The following SCHIP1 variants were observed in gnomAD, a reference collection of about 807,000 sequenced individuals.
SCHIP1 encodes schwannomin-interacting protein 1.
A neutral mutation model predicts 29.7 loss-of-function variants in SCHIP1; 8 were observed. That is an observed-to-expected ratio of 0.27 (90% confidence interval 0.16 to 0.49). The LOEUF (loss-of-function observed/expected upper bound fraction) is 0.49, where lower values mean the gene tolerates loss of function less well. Among genes scored for constraint, SCHIP1 ranks in the 20% least tolerant of loss-of-function variants. SCHIP1 has a pLI of 0.99. For synonymous variants in SCHIP1, 76 were observed against 94.9 expected (o/e 0.80, Z 1.16); for missense variants, 193 against 294.6 (o/e 0.66, Z 2.52).
the SCHIP1 span, among the ~76,000 whole-genome samples, chr3:159,645,416 C>CA: frequency 2.0e-5 from 3 of 152,084 alleles, no homozygotes; most frequent in Non-Finnish European, 2.9e-5. Flanking sequence ...TTATATCCTA[C>CA]AAAAAAGACA....
At chr3:159,717,948 T>A in the SCHIP1 span, among the ~76,000 whole-genome samples, 2 of 152,154 alleles carry the variant, frequency 1.3e-5, no homozygotes, top group Non-Finnish European at 2.9e-5. Flanking sequence ...TTTAGACCAA[T>A]ATCCCTGATG....
chr3:159,428,676 C>A, the SCHIP1 span, among the ~76,000 whole-genome samples: 1 of 151,116 alleles, frequency 6.6e-6, no homozygotes, highest in East Asian at 2.0e-4. Context: ...TACCATTTGA[C>A]CCAGCCATCC....
chr3:159,881,302 A>T (rs1043054228), intron 2 of SCHIP1, among the ~76,000 whole-genome samples: 1 of 152,250 alleles, frequency 6.6e-6, no homozygotes, highest in African/African-American at 2.4e-5. Flanking sequence ...GCAATTATTC[A>T]TTATATATAA....
the SCHIP1 span, among the ~76,000 whole-genome samples, chr3:159,359,248 C>A: frequency 6.6e-6 from 1 of 151,962 alleles, no homozygotes; most frequent in East Asian, 1.9e-4. Context: ...TTTTAAAGGA[C>A]AAAGCAAAGA....
chr3:159,543,213 TTTA>T, the SCHIP1 span, among the ~76,000 whole-genome samples: 7 of 151,568 alleles, frequency 4.6e-5, no homozygotes, highest in Non-Finnish European at 1.5e-5. Flanking sequence ...GTTTTTTTAT[TTTA>T]TTATTATTAT....
chr3:159,809,509 G>C, the SCHIP1 span, among the ~76,000 whole-genome samples: 1 of 152,170 alleles, frequency 6.6e-6, no homozygotes, highest in East Asian at 1.9e-4. Flanking sequence ...TAATGGGATG[G>C]CTGGATCAAA....
rs112981940 is a variant in SCHIP1 at position 159,864,466 on chromosome 3, G to A, written c.31-1697G>A. 2.9e-5 allele frequency among the ~76,000 whole-genome samples: 3 copies of A among 102,552 alleles called. 1 individual carries two copies. The highest frequency in any genetic ancestry group is 1.0e-4 in the African/African-American group (3 of 29,108). 67.3% of individuals were successfully genotyped at this position (102,552 alleles called of 152,430 possible). A position where few individuals can be genotyped will look rare whatever the true frequency, so the allele number is the denominator to read the frequency against. ...AAAAGTAGTCTTTCACCTTATGGCTGTACTACACACACACACACACACACA... is the reference window on the plus strand; with the variant it reads ...AAAAGTAGTCTTTCACCTTATGGCTATACTACACACACACACACACACACA... On this transcript the variant is annotated intron_variant, in intron 1 of 6. Coordinates refer to ENST00000445224, the Ensembl canonical transcript of SCHIP1.
the SCHIP1 span, among the ~76,000 whole-genome samples, chr3:159,475,175 CCAAATGTGCAT>C: frequency 1.3e-5 from 2 of 152,044 alleles, no homozygotes; most frequent in Admixed American, 1.3e-4. Context: ...TTGAAAAAAC[CCAAATGTGCAT>C]CAACTGATGA....
the SCHIP1 span, among the ~76,000 whole-genome samples, chr3:159,828,656 A>G: frequency 6.6e-6 from 1 of 151,846 alleles, no homozygotes; most frequent in Admixed American, 6.6e-5. Context: ...CTTCAACATC[A>G]CGGTCTGTTC....
the SCHIP1 span, among the ~76,000 whole-genome samples, chr3:159,417,764 G>A: frequency 6.6e-6 from 1 of 152,166 alleles, no homozygotes; most frequent in African/African-American, 2.4e-5. Flanking sequence ...TTTGGCTAAT[G>A]GGATGTTAGC....
the SCHIP1 span, among the ~76,000 whole-genome samples, chr3:159,650,262 T>A: frequency 8.6e-5 from 13 of 151,976 alleles, no homozygotes. Flanking sequence ...TTTGAAATAA[T>A]GAAAAAAGGG....
At chr3:159,694,549 A>G in the SCHIP1 span, among the ~76,000 whole-genome samples, 1 of 42,568 alleles carries the variant, frequency 2.3e-5, no homozygotes, top group African/African-American at 7.6e-5. Context: ...AGAAAGAAAG[A>G]AAGAAAGAAA....
chr3:159,511,250 C>A, the SCHIP1 span, among the ~76,000 whole-genome samples: 1 of 152,212 alleles, frequency 6.6e-6, no homozygotes, highest in Non-Finnish European at 1.5e-5. Flanking sequence ...GCTCCATGGG[C>A]GTTGGACCCT....
chr3:159,886,626 G>A, intron 3 of SCHIP1: 1 of 269,066 alleles, frequency 3.7e-6, no homozygotes, highest in Non-Finnish European at 7.2e-6. Flanking sequence ...AGCTGATCAT[G>A]GTGCCTATAG....
chr3:159,585,998 G>A, the SCHIP1 span, among the ~76,000 whole-genome samples: 1 of 152,118 alleles, frequency 6.6e-6, no homozygotes, highest in Non-Finnish European at 1.5e-5. Flanking sequence ...GGAGAAGAAT[G>A]TAAGTTTCAG....
chr3:159,750,296 T>TATATAC, the SCHIP1 span, among the ~76,000 whole-genome samples: 32 of 132,770 alleles, frequency 2.4e-4, no homozygotes, highest in South Asian at 7.3e-4. Flanking sequence ...TATATATATA[T>TATATAC]ACACACACAC....
the SCHIP1 span, among the ~76,000 whole-genome samples, chr3:159,709,491 T>C: frequency 6.6e-6 from 1 of 152,172 alleles, no homozygotes; most frequent in African/African-American, 2.4e-5. Flanking sequence ...TGGATATTTC[T>C]CAGTCTTATG....
At chr3:159,603,459 CTTG>C in the SCHIP1 span, among the ~76,000 whole-genome samples, 5,755 of 152,232 alleles carry the variant, frequency 0.038, 267 homozygotes, top group East Asian at 0.17. Context: ...CTAATCCTGC[CTTG>C]TTGTTTCCAG....
chr3:159,784,846 G>T, the SCHIP1 span, among the ~76,000 whole-genome samples: 1 of 152,144 alleles, frequency 6.6e-6, no homozygotes, highest in Non-Finnish European at 1.5e-5. Flanking sequence ...TAGAGACAGG[G>T]TTTCACCATA....
Sources: allele counts gnomAD v4.1 joint callset (sites outside exome capture counted in the v4.1 genomes callset), GRCh38; gene constraint gnomAD v4.1.1; transcripts MANE v1.5; gene names NCBI Gene and HGNC (gene_info 2026-07-23, HGNC 2026-07-21).